Variants in TMCC3 observed in about 807,000 individuals in gnomAD.
The protein encoded by TMCC3 is transmembrane and coiled-coil domain family 3, also known as transmembrane and coiled-coil domain protein 3.
In TMCC3, 28 loss-of-function variants were observed where a neutral mutation model predicts 40.2. The ratio of observed to expected loss-of-function variants is 0.70; its 90% CI spans 0.52 to 0.95. TMCC3 has a LOEUF of 0.95. Ranked by LOEUF, TMCC3 falls within the 40% of genes least tolerant of loss-of-function variation. The probability of loss-of-function intolerance (pLI) is 0.00; values close to 1 mark genes in which losing one functional copy is unlikely to be tolerated. For missense variants in TMCC3, 554 were observed against 615.2 expected, an observed-to-expected ratio of 0.90 and a Z score of 1.05; for synonymous variants, 255 against 248.5, an observed-to-expected ratio of 1.03 and a Z score of -0.25.
In TMCC3 at chr12:94,636,361, G is replaced by A. The variant is rs559968887; in HGVS notation, c.78+13992C>T. ...TACAAACCTATAAACCAGAAAATGT[G>A]TAGATTTCTTCATGGCAAAATATGG... is the stretch of plus-strand genomic sequence containing the variant. On this transcript the variant is annotated intron_variant, in intron 1 of 3. Transcript: ENST00000261226. 4.6e-5 allele frequency among the ~76,000 whole-genome samples: 7 copies of A among 152,320 alleles called. No homozygotes were observed. The East Asian group carries it at 7.7e-4, about 17-fold the overall frequency.
At chr12:94,615,213 AAC>A (rs1158041024) in intron 1 of TMCC3, among the ~76,000 whole-genome samples, 5 of 152,224 alleles carry the variant, frequency 3.3e-5, no homozygotes, top group Non-Finnish European at 5.9e-5. Context: ...GCCACAAGTG[AAC>A]ACAGATTTCC....
In TMCC3 at chr12:94,568,134, T is replaced by C. The variant is rs1386051686; in HGVS notation, c.*3301A>G. On this transcript the variant is annotated 3_prime_UTR_variant, in exon 4 of 4. Coordinates refer to ENST00000261226, the MANE Select transcript of TMCC3 (RefSeq NM_020698.4). ...GTTTCGGAAGATTTCCTTCTGTGAA[T>C]AGCTGACAAGGATCACGCAGGCAAA... 6.6e-6 allele frequency: 1 copy of C among 152,220 alleles called. No homozygotes were observed. The highest frequency in any genetic ancestry group is 2.4e-5 in the African/African-American group (1 of 41,460). 9.4% of individuals were successfully genotyped at this position (152,220 alleles called of 1,614,324 possible).
chr12:94,595,274 G>A (rs897321674), intron 1 of TMCC3, among the ~76,000 whole-genome samples: 1 of 152,180 alleles, frequency 6.6e-6, no homozygotes, highest in Non-Finnish European at 1.5e-5. Context: ...GGCTAGGTAT[G>A]TCATCTTGCC....
chr12:94,638,292 C>T (rs2068971518), intron 1 of TMCC3, among the ~76,000 whole-genome samples: 1 of 152,140 alleles, frequency 6.6e-6, no homozygotes, highest in Non-Finnish European at 1.5e-5. Context: ...ATGCTCTTTC[C>T]CCCATGCCTG....
intron 1 of TMCC3, among the ~76,000 whole-genome samples, chr12:94,637,993 G>A (rs2068970082): frequency 6.6e-6 from 1 of 152,194 alleles, no homozygotes; most frequent in Admixed American, 6.5e-5. Flanking sequence ...CACAGGCACA[G>A]AGGGAGGCAT....
intron 1 of TMCC3, among the ~76,000 whole-genome samples, chr12:94,649,647 C>T (rs966166657): frequency 6.6e-6 from 1 of 152,250 alleles, no homozygotes; most frequent in African/African-American, 2.4e-5. Flanking sequence ...CAGGACAGAC[C>T]CGCGCTTGGG....
At chr12:94,634,703 G>A (rs992824479) in intron 1 of TMCC3, among the ~76,000 whole-genome samples, 2 of 152,192 alleles carry the variant, frequency 1.3e-5, no homozygotes, top group African/African-American at 4.8e-5. Flanking sequence ...TGTCCCTACT[G>A]CTCCCCAGGT....
intron 1 of TMCC3, among the ~76,000 whole-genome samples, chr12:94,635,660 GTTTTTT>G (rs63480462): frequency 1.3e-4 from 12 of 89,294 alleles, no homozygotes; most frequent in African/African-American, 5.3e-4. Context: ...GTGTATGTGG[GTTTTTT>G]TTTTTTTTTT....
Position 94,641,208 on chromosome 12 carries a change from AAAG to A in TMCC3, c.78+9142_78+9144del, listed in dbSNP as rs1453747127. Among the ~76,000 whole-genome samples, 6 of 143,838 alleles carry A rather than the reference AAAG, an allele frequency of 4.2e-5. No homozygotes were observed. In the East Asian group the frequency reaches 6.2e-4, roughly 15 times the overall value. 94.4% of individuals were successfully genotyped at this position (143,838 alleles called of 152,430 possible). A position where few individuals can be genotyped will look rare whatever the true frequency, so the allele number is the denominator to read the frequency against. ...GACCCAGACCCTGTCTCAAAAAAAA[AAAG>A]AAAAGAAAAGAAATAAACCACTGGA... On this transcript the variant is annotated intron_variant, in intron 1 of 3. Transcript: ENST00000261226.
intron 1 of TMCC3, among the ~76,000 whole-genome samples, chr12:94,642,763 A>G (rs1293466431): frequency 1.3e-5 from 2 of 152,254 alleles, no homozygotes; most frequent in South Asian, 2.1e-4. Flanking sequence ...TTAACCGAGC[A>G]TTTAGCAGGT....
intron 1 of TMCC3, among the ~76,000 whole-genome samples, chr12:94,631,216 C>A (rs892009175): frequency 6.6e-6 from 1 of 152,152 alleles, no homozygotes; most frequent in Admixed American, 6.6e-5. Context: ...AGCTATGGAA[C>A]CTCTCCCTAG....
At chr12:94,637,002 A>C (rs1235248122) in intron 1 of TMCC3, among the ~76,000 whole-genome samples, 1 of 152,188 alleles carries the variant, frequency 6.6e-6, no homozygotes, top group East Asian at 1.9e-4. Flanking sequence ...TTGTTTTTTG[A>C]AGTTGCTCAG....
chr12:94,639,461 T>A (rs540556264), intron 1 of TMCC3, among the ~76,000 whole-genome samples: 1 of 152,174 alleles, frequency 6.6e-6, no homozygotes, highest in Admixed American at 6.5e-5. Context: ...TGGGCACCTG[T>A]AGTTCCAGCT....
At chr12:94,625,142 CAAA>C (rs35584074) in intron 1 of TMCC3, among the ~76,000 whole-genome samples, 1 of 117,326 alleles carries the variant, frequency 8.5e-6, no homozygotes, top group Non-Finnish European at 1.7e-5. Context: ...AACTCCATCT[CAAA>C]AAAAAAAAAA....
At chr12:94,600,376 T>C (rs2068745856) in intron 1 of TMCC3, among the ~76,000 whole-genome samples, 1 of 151,694 alleles carries the variant, frequency 6.6e-6, no homozygotes, top group Non-Finnish European at 1.5e-5. Context: ...TTTAACTGGG[T>C]TTCCTTGTTT....
At chr12:94,598,821 A>G (rs1008642784) in intron 1 of TMCC3, 1 of 940,482 alleles carries the variant, frequency 1.1e-6, no homozygotes, top group African/African-American at 1.8e-5. Context: ...ACAAAGAAAT[A>G]AAACAAATGG....
At chr12:94,595,895 A>T (rs185198241) in intron 1 of TMCC3, among the ~76,000 whole-genome samples, 1 of 152,294 alleles carries the variant, frequency 6.6e-6, no homozygotes, top group South Asian at 2.1e-4. Flanking sequence ...AGTACATTCA[A>T]TCGATATTTT....
intron 1 of TMCC3, among the ~76,000 whole-genome samples, chr12:94,587,951 G>A (rs1460893737): frequency 6.6e-6 from 1 of 152,172 alleles, no homozygotes; most frequent in Non-Finnish European, 1.5e-5. Context: ...TCCGCCTACT[G>A]AAACGCCATT....
At chr12:94,597,164 T>TATATATATATATATATAA (rs1488070684) in intron 1 of TMCC3, among the ~76,000 whole-genome samples, 2 of 90,460 alleles carry the variant, frequency 2.2e-5, no homozygotes, top group East Asian at 3.6e-4. Context: ...TATATGTATA[T>TATATATATATATATATAA]AAATTAGCCA....
Sources: gnomAD v4.1 joint callset for allele counts (sites outside exome capture counted in the v4.1 genomes callset) on GRCh38, gnomAD v4.1.1 for gene constraint, MANE v1.5 for transcripts, NCBI Gene and HGNC (gene_info 2026-07-23, HGNC 2026-07-21) for gene names.